Variants in WWOX observed in about 807,000 individuals in gnomAD.
The protein encoded by WWOX is WW domain-containing oxidoreductase.
Under a neutral mutation model 46.2 loss-of-function variants are expected in WWOX, and 69 were observed. That is an observed-to-expected ratio of 1.49 (90% CI 1.23 to 1.82). The LOEUF (loss-of-function observed/expected upper bound fraction) is 1.82, where lower values mean the gene tolerates loss of function less well. WWOX is among the 40% of genes most tolerant of loss of function. The probability of loss-of-function intolerance (pLI) is 0.00; values close to 1 mark genes in which losing one functional copy is unlikely to be tolerated. For synonymous variants in WWOX, 359 were observed against 202.6 expected, an observed-to-expected ratio of 1.77 and a Z score of -6.56; for missense variants, 919 against 542.6, an observed-to-expected ratio of 1.69 and a Z score of -6.89.
At chr16:78,815,675 A>ATCCT (rs1280944818) in intron 8 of WWOX, among the ~76,000 whole-genome samples, 1 of 152,142 alleles carries the variant, frequency 6.6e-6, no homozygotes, top group African/African-American at 2.4e-5. Context: ...CTGGGTTTTA[A>ATCCT]TCCTTCCTTC....
rs549659246 is a variant in WWOX at position 78,500,235 on chromosome 16, G to A, written c.1056+67483G>A. ...GACTTTGTGCAGTGGGGAAAGGTGG[G>A]GCTTTAAAATAAAACAGAAGGTATG... is the stretch of plus-strand genomic sequence containing the variant. On this transcript the variant is annotated intron_variant, in intron 8 of 8. Coordinates refer to ENST00000566780, the MANE Select transcript of WWOX (RefSeq NM_016373.4). Among the ~76,000 whole-genome samples the A allele has an allele frequency of 5.9e-5, 9 of 152,152 alleles. No homozygotes were observed. The South Asian group carries it at 1.7e-3, about 28-fold the overall frequency.
At chr16:78,838,782 G>A (rs1391542290) in intron 8 of WWOX, among the ~76,000 whole-genome samples, 1 of 152,188 alleles carries the variant, frequency 6.6e-6, no homozygotes, top group Non-Finnish European at 1.5e-5. Context: ...GTCAGAGGTT[G>A]CAGTGAGCCC....
chr16:78,134,450 G>C (rs571731170), intron 4 of WWOX, among the ~76,000 whole-genome samples: 1 of 151,880 alleles, frequency 6.6e-6, no homozygotes, highest in Non-Finnish European at 1.5e-5. Context: ...GTTGCCTTTA[G>C]CCTTTGTTTT....
At chr16:79,154,718 G>A (rs1285363965) in intron 8 of WWOX, among the ~76,000 whole-genome samples, 1 of 152,154 alleles carries the variant, frequency 6.6e-6, no homozygotes, top group Middle Eastern at 3.2e-3. Context: ...TAGTGTATGT[G>A]GATGGAGCCA....
intron 8 of WWOX, among the ~76,000 whole-genome samples, chr16:78,733,566 T>A (rs927134106): frequency 2.0e-5 from 3 of 150,052 alleles, no homozygotes; most frequent in African/African-American, 7.4e-5. Context: ...GCCAACATGA[T>A]GAAACCCTAT....
intron 8 of WWOX, among the ~76,000 whole-genome samples, chr16:78,762,735 C>G (rs2049824847): frequency 6.6e-6 from 1 of 152,182 alleles, no homozygotes; most frequent in Non-Finnish European, 1.5e-5. Flanking sequence ...GGTTTCAAGT[C>G]CAAATTCTAC....
intron 8 of WWOX, among the ~76,000 whole-genome samples, chr16:78,770,927 T>G (rs560323127): frequency 6.6e-6 from 1 of 152,260 alleles, no homozygotes; most frequent in African/African-American, 2.4e-5. Context: ...AGAATTATTA[T>G]GTGTGCTGTT....
intron 4 of WWOX, among the ~76,000 whole-genome samples, chr16:78,116,774 A>G (rs962858757): frequency 1.3e-5 from 2 of 152,210 alleles, no homozygotes; most frequent in Admixed American, 6.5e-5. Flanking sequence ...TCTTTTTAAC[A>G]ATTTAACAAG....
At chr16:78,940,428 T>C (rs2045828858) in intron 8 of WWOX, among the ~76,000 whole-genome samples, 1 of 152,186 alleles carries the variant, frequency 6.6e-6, no homozygotes, top group Non-Finnish European at 1.5e-5. Context: ...ACCTTGAAAT[T>C]GCTTTTTAGA....
At chr16:78,475,235 G>T (rs1351596958) in intron 8 of WWOX, among the ~76,000 whole-genome samples, 1 of 152,162 alleles carries the variant, frequency 6.6e-6, no homozygotes, top group Non-Finnish European at 1.5e-5. Flanking sequence ...CTCTGATGCT[G>T]GAAGCTGCTG....
At chr16:78,361,432 C>T (rs557114529) in intron 5 of WWOX, among the ~76,000 whole-genome samples, 1 of 152,138 alleles carries the variant, frequency 6.6e-6, no homozygotes, top group African/African-American at 2.4e-5. Context: ...TGAGATGATG[C>T]TGGCAGCCCC....
chr16:78,103,468 C>T (rs1191520357), intron 1 of WWOX, among the ~76,000 whole-genome samples: 5 of 151,960 alleles, frequency 3.3e-5, no homozygotes, highest in Admixed American at 3.3e-4. Flanking sequence ...ACTCTCTGGA[C>T]CTTGTGTCCG....
intron 4 of WWOX, among the ~76,000 whole-genome samples, chr16:78,131,787 T>C (rs2033603691): frequency 6.6e-6 from 1 of 151,474 alleles, no homozygotes; most frequent in Non-Finnish European, 1.5e-5. Context: ...GGTTTCACCA[T>C]GTTGGCCAGG....
At chr16:78,100,014 G>T (rs1324075177) in intron 1 of WWOX, 129 bp downstream of exon 1, 2 of 1,475,988 alleles carry the variant, frequency 1.4e-6, no homozygotes, top group African/African-American at 1.5e-5. Context: ...CTGTTAAGGA[G>T]CTTCAGGGAA....
chr16:78,633,996 C>T (rs2046504292), intron 8 of WWOX, among the ~76,000 whole-genome samples: 1 of 151,574 alleles, frequency 6.6e-6, no homozygotes, highest in African/African-American at 2.4e-5. Context: ...CCTAGAGAGA[C>T]CAAAGAGGCA....
chr16:78,585,195 G>A (rs993178852), intron 8 of WWOX, among the ~76,000 whole-genome samples: 4 of 152,210 alleles, frequency 2.6e-5, no homozygotes, highest in African/African-American at 9.6e-5. Flanking sequence ...CTGACCACAG[G>A]ACAGCTTAAA....
chr16:79,117,225 G>T (rs1008985339), intron 8 of WWOX, among the ~76,000 whole-genome samples: 2 of 151,976 alleles, frequency 1.3e-5, no homozygotes, highest in Admixed American at 6.6e-5. Flanking sequence ...TGCCCAGGCT[G>T]GTCTTGAACT....
intron 8 of WWOX, among the ~76,000 whole-genome samples, chr16:79,038,227 C>G (rs1283844456): frequency 6.6e-6 from 1 of 152,074 alleles, no homozygotes; most frequent in Non-Finnish European, 1.5e-5. Flanking sequence ...ATTTGTCTTT[C>G]CTCATGCACG....
At chr16:78,509,443 A>AAC (rs2085302267) in intron 8 of WWOX, among the ~76,000 whole-genome samples, 1 of 151,884 alleles carries the variant, frequency 6.6e-6, no homozygotes, top group Non-Finnish European at 1.5e-5. Flanking sequence ...AGTCTCAAAA[A>AAC]AAAAAAAATA....
Sources: allele counts gnomAD v4.1 joint callset (sites outside exome capture counted in the v4.1 genomes callset), GRCh38; gene constraint gnomAD v4.1.1; transcripts MANE v1.5; gene names NCBI Gene and HGNC (gene_info 2026-07-23, HGNC 2026-07-21).